The following RAD51 variants were observed in gnomAD, a reference collection of about 807,000 sequenced individuals.
The protein encoded by RAD51 is RAD51 recombinase, also known as DNA repair protein RAD51 homolog 1.
RAD51 carries 14 observed loss-of-function variants against 41.5 expected under a neutral mutation model. The ratio of observed to expected loss-of-function variants is 0.34; its 90% CI spans 0.22 to 0.53. RAD51 has a LOEUF of 0.53. Ranked by LOEUF, RAD51 falls within the 20% of genes least tolerant of loss-of-function variation. The pLI is 0.95. For synonymous variants in RAD51, 136 were observed against 148.6 expected, an observed-to-expected ratio of 0.92 and a Z score of 0.62; for missense variants, 234 against 422.0, an observed-to-expected ratio of 0.55 and a Z score of 3.90.
chr15:40,714,564 C>T (rs1477344199), intron 5 of RAD51, among the ~76,000 whole-genome samples: 1 of 152,070 alleles, frequency 6.6e-6, no homozygotes, highest in Non-Finnish European at 1.5e-5. Context: ...TAAATATAGC[C>T]TGTTAAAATA....
chr15:40,706,339 G>A (rs753488138), intron 4 of RAD51, 45 bp downstream of exon 4: 1 of 1,430,346 alleles, frequency 7.0e-7, no homozygotes. Context: ...AGTTAGGAAA[G>A]CTTCCAGGTT....
intron 6 of RAD51, among the ~76,000 whole-genome samples, chr15:40,722,199 G>A (rs1896310209): frequency 1.3e-5 from 2 of 152,060 alleles, no homozygotes; most frequent in South Asian, 4.1e-4. Flanking sequence ...ATCACCTTAG[G>A]TCAGGAGTTT....
intron 9 of RAD51, among the ~76,000 whole-genome samples, chr15:40,730,515 T>TTTTTTTTTTTTTTTTTTTC (rs141278307): frequency 4.2e-5 from 5 of 117,650 alleles, no homozygotes; most frequent in Admixed American, 2.1e-4. Flanking sequence ...GAAAAAATTT[T>TTTTTTTTTTTTTTTTTTTC]TTTTCTTTTT....
At chr15:40,726,032 G>A (rs1055673834) in intron 6 of RAD51, among the ~76,000 whole-genome samples, 2 of 151,988 alleles carry the variant, frequency 1.3e-5, no homozygotes, top group Admixed American at 6.6e-5. Flanking sequence ...CAGGTAATCT[G>A]ATGCTTGCTA....
At chr15:40,708,484 CCCTA>C (rs1255791909) in intron 4 of RAD51, among the ~76,000 whole-genome samples, 1 of 150,370 alleles carries the variant, frequency 6.7e-6, no homozygotes, top group East Asian at 2.0e-4. Flanking sequence ...CGCCTCGGCC[CCCTA>C]AAGTGCTGGG....
At chr15:40,728,686 A>G in intron 6 of RAD51, 25 bp from the exon 7 acceptor site, 1 of 1,591,988 alleles carries the variant, frequency 6.3e-7, no homozygotes, top group South Asian at 1.1e-5. Context: ...TGTGCAGCCT[A>G]AAAATGTTCT....
chr15:40,726,213 A>G (rs1218218009), intron 6 of RAD51, among the ~76,000 whole-genome samples: 1 of 151,506 alleles, frequency 6.6e-6, no homozygotes, highest in Non-Finnish European at 1.5e-5. Flanking sequence ...TGATAATTGT[A>G]ATTCATTGAG....
Position 40,730,060 on chromosome 15 carries a change from C to T in RAD51, c.896+86C>T, listed in dbSNP as rs45604436. ...AAGATATAACATTTTCATTTAAGCC[C>T]TGTTAAAGCTACTGTTGTATAGACA... is the stretch of plus-strand genomic sequence containing the variant. On this transcript the variant is annotated intron_variant, in intron 9 of 9. Coordinates refer to ENST00000267868, the MANE Select transcript of RAD51 (RefSeq NM_002875.5). 7,440 of 1,533,008 alleles carry T rather than the reference C, an allele frequency of 4.9e-3. 322 individuals carry two copies. The African/African-American group carries it at 0.091, about 19-fold the overall frequency. The allele number at this position is 1,533,008 out of a possible 1,614,324, so 95.0% of individuals were successfully genotyped here.
intron 1 of RAD51, among the ~76,000 whole-genome samples, chr15:40,696,071 T>G (rs1894607381): frequency 6.6e-6 from 1 of 151,912 alleles, no homozygotes; most frequent in Admixed American, 6.6e-5. Context: ...AGAGACGGGG[T>G]TTCACCATGT....
chr15:40,696,010 G>C (rs909501436), intron 1 of RAD51: 4 of 152,200 alleles, frequency 2.6e-5, no homozygotes, highest in African/African-American at 9.7e-5. Flanking sequence ...GAGGAGCTGG[G>C]ATTACAGGCC....
At chr15:40,706,709 A>AT (rs1895365354) in intron 4 of RAD51, among the ~76,000 whole-genome samples, 1 of 152,196 alleles carries the variant, frequency 6.6e-6, no homozygotes. Flanking sequence ...TCAAAAACAA[A>AT]GAGAGATAAA....
intron 6 of RAD51, among the ~76,000 whole-genome samples, chr15:40,719,253 T>C (rs1268618179): frequency 1.3e-5 from 2 of 151,818 alleles, no homozygotes; most frequent in African/African-American, 4.8e-5. Context: ...GAGATGGGGT[T>C]TCACCATATT....
At chr15:40,722,849 G>A (rs892343050) in intron 6 of RAD51, among the ~76,000 whole-genome samples, 2 of 152,100 alleles carry the variant, frequency 1.3e-5, no homozygotes, top group Non-Finnish European at 2.9e-5. Context: ...TGATAATAGA[G>A]TTAGTTTTCA....
intron 4 of RAD51, among the ~76,000 whole-genome samples, chr15:40,706,877 A>T (rs1010837648): frequency 6.6e-6 from 1 of 152,136 alleles, no homozygotes; most frequent in African/African-American, 2.4e-5. Flanking sequence ...ATTATAACCT[A>T]CTCTACCACA....
intron 3 of RAD51, among the ~76,000 whole-genome samples, chr15:40,705,358 A>G (rs1895266037): frequency 6.6e-6 from 1 of 152,186 alleles, no homozygotes; most frequent in Non-Finnish European, 1.5e-5. Context: ...CTTATCTGTA[A>G]TTACAAAATA....
chr15:40,712,188 A>G (rs2141843310), intron 5 of RAD51, among the ~76,000 whole-genome samples: 1 of 152,328 alleles, frequency 6.6e-6, no homozygotes, highest in East Asian at 1.9e-4. Flanking sequence ...GACAATAAAG[A>G]GAAGTAGGGA....
intron 5 of RAD51, among the ~76,000 whole-genome samples, chr15:40,712,796 T>C (rs1322391038): frequency 6.6e-6 from 1 of 152,006 alleles, no homozygotes; most frequent in African/African-American, 2.4e-5. Context: ...ATCTGCCTTA[T>C]ATCAGTGTTA....
rs975608676 is a variant in RAD51, at chr15:40,728,189, C to T, written c.531-522C>T. Among the ~76,000 whole-genome samples the T allele has an allele frequency of 2.6e-5, 4 of 152,184 alleles. No individual in the cohort carries two copies. The South Asian group carries it at 6.2e-4, about 24-fold the overall frequency. Reference sequence around the variant, plus strand: ...AAGAATAGGTTTGATTTAGGTCAGGCGTGGTGGCTCACGCCTGTAGTCCCA... The same window carrying T: ...AAGAATAGGTTTGATTTAGGTCAGGTGTGGTGGCTCACGCCTGTAGTCCCA... On this transcript the variant is annotated intron_variant, in intron 6 of 9. Coordinates refer to ENST00000267868, the MANE Select transcript of RAD51 (RefSeq NM_002875.5).
chr15:40,727,206 C>T (rs1204462503), intron 6 of RAD51, among the ~76,000 whole-genome samples: 6 of 152,032 alleles, frequency 3.9e-5, no homozygotes, highest in Non-Finnish European at 1.5e-5. Flanking sequence ...AAGCAATCCT[C>T]CCCACTCAGC....
Sources: allele counts gnomAD v4.1 joint callset (sites outside exome capture counted in the v4.1 genomes callset), GRCh38; gene constraint gnomAD v4.1.1; transcripts MANE v1.5; gene names NCBI Gene and HGNC (gene_info 2026-07-23, HGNC 2026-07-21).